NGLY1: variants seen among roughly 807,000 people sequenced by gnomAD.
NGLY1 encodes peptide-N(4)-(N-acetyl-beta-glucosaminyl)asparagine amidase.
Under a neutral mutation model 84.6 loss-of-function variants are expected in NGLY1, and 68 were observed. The observed-to-expected ratio is 0.80, with a 90% CI of 0.66 to 0.98. NGLY1 has a LOEUF of 0.98. Ranked by LOEUF, NGLY1 falls within the 50% of genes least tolerant of loss-of-function variation. NGLY1 has a pLI of 0.00. For missense variants in NGLY1, 779 were observed against 770.2 expected (o/e 1.01, Z -0.14); for synonymous variants, 280 against 275.2 (o/e 1.02, Z -0.17).
intron 10 of NGLY1, among the ~76,000 whole-genome samples, chr3:25,723,034 A>AT (rs761594801): frequency 5.3e-5 from 8 of 152,244 alleles, no homozygotes; most frequent in Non-Finnish European, 1.0e-4. Context: ...ATGCACTTCT[A>AT]TATCTTGTAT....
At position 25,733,907 on chromosome 3, in the gene NGLY1, A is replaced by C; in HGVS notation, c.1225T>G (p.Leu409Val). 6.2e-7 allele frequency: 1 copy of C among 1,613,810 alleles called. No homozygotes were observed. Among genetic ancestry groups the C allele is most frequent in the Non-Finnish European group, 8.5e-7 (1 of 1,179,854 alleles). The change falls in exon 8 of 12, where the codon TTA becomes GTA. Residue 409 changes from leucine (L) to valine (V), a missense_variant. Transcript: ENST00000280700. ...AGCCCATTAATAGTGTCTCGAAGTA[A>C]TGCTTCTTTAACCTTAGTTCTTCTG... is the stretch of plus-strand genomic sequence containing the variant. ...IARRTKVKEALLRDTINGLNK... is the reference protein window; with the variant it reads ...IARRTKVKEAVLRDTINGLNK...
chr3:25,778,691 G>A lies in NGLY1; in HGVS notation c.132-3C>T. On this transcript the variant is annotated splice_region_variant and splice_polypyrimidine_tract_variant and intron_variant, in intron 1 of 11. Transcript: ENST00000280700. Reference sequence around the variant, plus strand: ...TATATTTTTCATCATTAGGGTTTCTGACAAAAAACAAAAGTTTGATTATAT... The same window carrying A: ...TATATTTTTCATCATTAGGGTTTCTAACAAAAAACAAAAGTTTGATTATAT... 6 of 1,561,628 alleles carry A rather than the reference G, an allele frequency of 3.8e-6. No individual in the cohort carries two copies. Among genetic ancestry groups the A allele is most frequent in the Non-Finnish European group, 4.4e-6 (5 of 1,148,466 alleles).
At chr3:25,750,203 G>A (rs1161256485) in intron 4 of NGLY1, among the ~76,000 whole-genome samples, 2 of 151,976 alleles carry the variant, frequency 1.3e-5, no homozygotes, top group Non-Finnish European at 2.9e-5. Flanking sequence ...AGATCTCCTG[G>A]GACTCACTCA....
rs1706730680 is a variant in NGLY1 at position 25,751,215 on chromosome 3, G to A, written c.541C>T (p.His181Tyr). Residue 181 changes from histidine to tyrosine, a missense_variant, in exon 4 of 12, where the codon CAT (histidine) becomes TAT (tyrosine). His to Tyr is a moderately conservative substitution (Grantham distance 83). Transcript: ENST00000280700. Reference sequence around the variant, plus strand: ...GCAGGATTTTCATAGACCAGCACATGCTGAATGTTGGACTGAAGAACTTCT... The same window carrying A: ...GCAGGATTTTCATAGACCAGCACATACTGAATGTTGGACTGAAGAACTTCT... ...ILEVLQSNIQ[H>Y]VLVYENPALQ... The A allele has an allele frequency of 1.2e-6, 2 of 1,611,304 alleles. No homozygotes were observed. Among genetic ancestry groups the A allele is most frequent in the Non-Finnish European group, 1.7e-6 (2 of 1,178,768 alleles).
chr3:25,779,051 T>G (rs1285214342), intron 1 of NGLY1, among the ~76,000 whole-genome samples: 1 of 142,048 alleles, frequency 7.0e-6, no homozygotes, highest in Non-Finnish European at 1.5e-5. Flanking sequence ...TTCTCCCACC[T>G]CAGCCTCCCA....
chr3:25,746,852 C>T (rs187881780), intron 4 of NGLY1, among the ~76,000 whole-genome samples: 5 of 152,240 alleles, frequency 3.3e-5, no homozygotes, highest in East Asian at 1.9e-4. Context: ...TTTTTTGAGA[C>T]GGAGTTTCGC....
In NGLY1 at chr3:25,719,646, G is replaced by GAA; in HGVS notation, c.1790-13_1790-12dup. 3 of 1,515,330 alleles carry GAA rather than the reference G, an allele frequency of 2.0e-6. No homozygotes were observed. The highest frequency in any genetic ancestry group is 2.5e-5 in the South Asian group (2 of 80,116). The allele number at this position is 1,515,330 out of a possible 1,614,324, so 93.9% of individuals were successfully genotyped here. On this transcript the variant is annotated splice_polypyrimidine_tract_variant and intron_variant, in intron 11 of 11. Coordinates refer to ENST00000280700, the MANE Select transcript of NGLY1 (RefSeq NM_018297.4). The stretch of plus-strand genomic sequence containing the variant: ...AGTGAAGACTGTTATCTGTTAGAGG[G>GAA]AAAAAAAAAATTAACATTTTGCTTT...
chr3:25,783,376 T>C lies in NGLY1; in HGVS notation c.15A>G (p.Ala5=). The part of the protein sequence containing the change: MAAA[A]LGSSSGSASP... Reference sequence around the variant, plus strand: ...ACGCCGAGCCTGAGGAGCTGCCCAATGCCGCCGCCGCCATGCTTGAGCGCC... The same window carrying C: ...ACGCCGAGCCTGAGGAGCTGCCCAACGCCGCCGCCGCCATGCTTGAGCGCC... Residue 5 remains alanine (A), a synonymous_variant, in exon 1 of 12, where the codon GCA becomes GCG. Transcript: ENST00000280700. The surrounding 1 kb of genome is among the most constrained non-coding windows in gnomAD (Gnocchi z 4.5). 2 of 1,543,752 alleles carry C rather than the reference T, an allele frequency of 1.3e-6. No homozygotes were observed. The highest frequency in any genetic ancestry group is 1.7e-6 in the Non-Finnish European group (2 of 1,145,800).
At position 25,729,288 on chromosome 3, in the gene NGLY1, T is replaced by C; in HGVS notation, c.1456A>G (p.Asn486Asp). 6.8e-7 allele frequency: 1 copy of C among 1,460,410 alleles called. No individual in the cohort carries two copies. The highest frequency in any genetic ancestry group is 9.1e-7 in the Non-Finnish European group (1 of 1,093,682). The allele number at this position is 1,460,410 out of a possible 1,614,324, so 90.5% of individuals were successfully genotyped here. ...TGGAGCTGTTTAGAAATCTTCTCAT[T>C]TTCACAGGGAATAAACAAGGTTTCT... is the stretch of plus-strand genomic sequence containing the variant. Reference protein sequence around the residue: ...RKETLFIPCENEKISKQLHLC... With the variant: ...RKETLFIPCEDEKISKQLHLC... Residue 486 changes from asparagine to aspartate, a missense_variant, in exon 10 of 12, where the codon AAT becomes GAT. Asn to Asp is a conservative substitution (Grantham distance 23). Transcript: ENST00000280700.
intron 2 of NGLY1, among the ~76,000 whole-genome samples, chr3:25,768,318 CGGAAGACTGA>C (rs1235934676): frequency 6.6e-6 from 1 of 150,890 alleles, no homozygotes; most frequent in African/African-American, 2.4e-5. Context: ...CCCAGTTACT[CGGAAGACTGA>C]GGCAGGAGAA....
Position 25,783,298 on chromosome 3 carries a change from G to A in NGLY1, c.93C>T (p.Ala31=), listed in dbSNP as rs1708506096. 5 of 1,608,924 alleles carry A rather than the reference G, an allele frequency of 3.1e-6. No individual in the cohort carries two copies. Among genetic ancestry groups the A allele is most frequent in the Admixed American group, 1.7e-5 (1 of 59,752 alleles). ...CAGCATAGGTGAGCAGCAGCTTGGA[G>A]GCCTCCAAAAAGGTCTCCGGGGTGT... ...CQNTPETFLE[A]SKLLLTYADN... is the part of the protein sequence containing the mutation. Residue 31 remains alanine, a synonymous_variant, in exon 1 of 12, where the codon GCC becomes GCT. Coordinates refer to ENST00000280700, the MANE Select transcript of NGLY1 (RefSeq NM_018297.4). The surrounding 1 kb of genome is among the most constrained non-coding windows in gnomAD (Gnocchi z 4.5).
intron 4 of NGLY1, chr3:25,749,775 G>A: frequency 7.2e-7 from 1 of 1,385,450 alleles, no homozygotes; most frequent in East Asian, 2.3e-5. Flanking sequence ...AAAACTTACT[G>A]TGCTGAGATT....
intron 4 of NGLY1, among the ~76,000 whole-genome samples, chr3:25,748,079 C>G (rs540875989): frequency 1.7e-4 from 26 of 152,302 alleles, no homozygotes; most frequent in South Asian, 8.3e-4. Flanking sequence ...CCAGAGTCTT[C>G]TCTGAACTGG....
chr3:25,772,460 C>A (rs1707940692), intron 2 of NGLY1, among the ~76,000 whole-genome samples: 1 of 152,068 alleles, frequency 6.6e-6, no homozygotes, highest in Non-Finnish European at 1.5e-5. Flanking sequence ...AATAGTTACT[C>A]CTGCTGGCTT....
chr3:25,732,462 T>C lies in NGLY1; in HGVS notation c.1282A>G (p.Asn428Asp). Residue 428 changes from asparagine (N) to aspartate (D), a missense_variant, in exon 9 of 12, where the codon AAC (asparagine) becomes GAC (aspartate). Transcript: ENST00000280700. The stretch of plus-strand genomic sequence containing the variant: ...CTCTGGAGAAGTTCTTTCCTTCTGT[T>C]TTCTGACAAAAACAGTTGCCTCTGT... ...NKQRQLFLSE[N>D]RRKELLQRII... The C allele has an allele frequency of 6.2e-7, 1 of 1,613,242 alleles. No individual in the cohort carries two copies. Among genetic ancestry groups the C allele is most frequent in the Non-Finnish European group, 8.5e-7 (1 of 1,179,548 alleles).
chr3:25,774,917 T>G (rs1459654820), intron 2 of NGLY1, among the ~76,000 whole-genome samples: 1 of 152,192 alleles, frequency 6.6e-6, no homozygotes, highest in Non-Finnish European at 1.5e-5. Context: ...CAAGGACCCC[T>G]GTGAGATAAA....
At chr3:25,759,344 C>T (rs1707195411) in intron 3 of NGLY1, among the ~76,000 whole-genome samples, 1 of 151,692 alleles carries the variant, frequency 6.6e-6, no homozygotes, top group South Asian at 2.1e-4. Flanking sequence ...GAAATGTCTC[C>T]ATTTTTATTT....
intron 3 of NGLY1, among the ~76,000 whole-genome samples, chr3:25,760,757 G>C (rs998950859): frequency 6.6e-6 from 1 of 151,730 alleles, no homozygotes; most frequent in East Asian, 1.9e-4. Flanking sequence ...CTACTACGGA[G>C]GCTGAGGCAG....
intron 3 of NGLY1, among the ~76,000 whole-genome samples, chr3:25,762,282 G>T (rs927417980): frequency 5.3e-5 from 8 of 152,130 alleles, no homozygotes; most frequent in Admixed American, 5.2e-4. Flanking sequence ...ACTCAAAATG[G>T]GCAAGGTAGA....
Sources: gnomAD v4.1 joint callset for allele counts (sites outside exome capture counted in the v4.1 genomes callset) on GRCh38, gnomAD v4.1.1 for gene constraint, Gnocchi (gnomAD v3.1) non-coding constraint, MANE v1.5 for transcripts, NCBI Gene and HGNC (gene_info 2026-07-23, HGNC 2026-07-21) for gene names.